Variants in CAPS2 observed in about 807,000 individuals in gnomAD.
CAPS2 encodes calcyphosine 2, also known as calcyphosin-2.
CAPS2 carries 98 observed loss-of-function variants against 86.5 expected under a neutral mutation model. The observed-to-expected ratio is 1.13, with a 90% CI of 0.96 to 1.34. CAPS2 has a LOEUF of 1.34. Ranked by LOEUF, CAPS2 falls within the 40% of genes most tolerant of loss-of-function variation. The probability of loss-of-function intolerance (pLI) is 0.00; values close to 1 mark genes in which losing one functional copy is unlikely to be tolerated. For synonymous variants in CAPS2, 210 were observed against 225.1 expected (o/e 0.93, Z 0.60); for missense variants, 729 against 686.8 (o/e 1.06, Z -0.69).
chr12:75,330,057 G>T, upstream of CAPS2: 1 of 408,086 alleles, frequency 2.5e-6, no homozygotes, highest in Non-Finnish European at 4.3e-6. Flanking sequence ...GCCCGCGTCT[G>T]CAGGTTGCCC....
At chr12:75,291,016 C>T (rs1432949367) in intron 13 of CAPS2, among the ~76,000 whole-genome samples, 1 of 152,004 alleles carries the variant, frequency 6.6e-6, no homozygotes, top group African/African-American at 2.4e-5. Context: ...TGAGATCCAA[C>T]AGAGTAACTG....
chr12:75,342,597 T>C (rs1285542900), intron 1 of CAPS2, among the ~76,000 whole-genome samples: 1 of 152,204 alleles, frequency 6.6e-6, no homozygotes, highest in Non-Finnish European at 1.5e-5. Context: ...TGTAGCTTTA[T>C]GATAAATATT....
chr12:75,319,286 G>A (rs1480648614), intron 5 of CAPS2, among the ~76,000 whole-genome samples: 4 of 152,090 alleles, frequency 2.6e-5, no homozygotes, highest in Non-Finnish European at 5.9e-5. Context: ...AGTGGTGTTT[G>A]GGTCATGGAG....
At chr12:75,319,448 T>C (rs2040095765) in intron 5 of CAPS2, among the ~76,000 whole-genome samples, 1 of 152,174 alleles carries the variant, frequency 6.6e-6, no homozygotes, top group Admixed American at 6.6e-5. Context: ...CTGCACATGC[T>C]GGCTTCCCTT....
chr12:75,304,353 T>A (rs143595205), intron 8 of CAPS2, among the ~76,000 whole-genome samples: 2 of 152,192 alleles, frequency 1.3e-5, no homozygotes, highest in East Asian at 1.9e-4. Context: ...TAAAAGATCA[T>A]ACCAATTCTA....
chr12:75,295,654 G>A (rs1432089536), intron 11 of CAPS2, among the ~76,000 whole-genome samples: 4 of 152,122 alleles, frequency 2.6e-5, no homozygotes, highest in Non-Finnish European at 5.9e-5. Flanking sequence ...CTAGGAACAT[G>A]GTAGTGGTCA....
At chr12:75,377,364 C>G (rs2044703146) in intron 1 of CAPS2, among the ~76,000 whole-genome samples, 1 of 152,152 alleles carries the variant, frequency 6.6e-6, no homozygotes, top group Non-Finnish European at 1.5e-5. Context: ...ATAATTTACT[C>G]ACACAATCAC....
At chr12:75,372,085 G>A (rs1184680845) in intron 1 of CAPS2, among the ~76,000 whole-genome samples, 1 of 152,190 alleles carries the variant, frequency 6.6e-6, no homozygotes, top group Non-Finnish European at 1.5e-5. Context: ...CACGATCTTG[G>A]CTCACTGCAA....
rs1376337821 is a variant in CAPS2, at chr12:75,304,838, T to C, written c.698A>G (p.Glu233Gly). ...AAGGATATGATCACTTTCTTTTTGC[T>C]CAATGGCTAAATTTTGCTCTGGATC... Residue 233 changes from glutamate to glycine, a missense_variant, in exon 8 of 17, where the codon GAG becomes GGG. Coordinates refer to ENST00000393284, the Ensembl canonical transcript of CAPS2. 6.2e-6 allele frequency: 10 copies of C among 1,612,250 alleles called. No individual in the cohort carries two copies. The highest frequency in any genetic ancestry group is 6.8e-6 in the Non-Finnish European group (8 of 1,179,514).
chr12:75,356,225 T>C (rs1243050004), intron 1 of CAPS2, among the ~76,000 whole-genome samples: 1 of 152,032 alleles, frequency 6.6e-6, no homozygotes, highest in Non-Finnish European at 1.5e-5. Flanking sequence ...AGCAATATCT[T>C]TAAAAACAAA....
At chr12:75,321,054 T>A (rs1022136311) in intron 5 of CAPS2, among the ~76,000 whole-genome samples, 2 of 152,032 alleles carry the variant, frequency 1.3e-5, no homozygotes, top group African/African-American at 4.8e-5. Context: ...ATTTAGACTG[T>A]CAGACCAACT....
rs763428367 is a variant in CAPS2, at chr12:75,321,483, T to C, written c.385A>G (p.Lys129Glu). ...TCTGCATTTCTCTGACTATACTGCT[T>C]ATAGCCCTCTTTAATTTCAGTTTTA... is the stretch of plus-strand genomic sequence containing the variant. Residue 129 changes from lysine (K) to glutamate (E), a missense_variant, in exon 5 of 17, where the codon AAG becomes GAG. Lys to Glu is a moderately conservative substitution (Grantham distance 56). Coordinates refer to ENST00000393284, the Ensembl canonical transcript of CAPS2. 12 of 1,546,334 alleles carry C rather than the reference T, an allele frequency of 7.8e-6. No individual in the cohort carries two copies. In the South Asian group the frequency reaches 9.5e-5, roughly 12 times the overall value.
In CAPS2 at chr12:75,312,771, A is replaced by G; in HGVS notation, c.659+77T>C. On this transcript the variant is annotated intron_variant, in intron 7 of 16. Coordinates refer to ENST00000393284, the Ensembl canonical transcript of CAPS2. ...TTAGCCACCCTTTAATTGACCAAGGATATGAATGTCATGCATGAAAATAAA... is the reference window on the plus strand; with the variant it reads ...TTAGCCACCCTTTAATTGACCAAGGGTATGAATGTCATGCATGAAAATAAA... The G allele has an allele frequency of 8.1e-6, 7 of 866,096 alleles. 1 individual carries two copies. The highest frequency in any genetic ancestry group is 6.9e-5 in the South Asian group (5 of 72,240). The allele number at this position is 866,096 out of a possible 1,614,324, so 53.7% of individuals were successfully genotyped here.
chr12:75,313,495 T>C (rs2039440758), intron 6 of CAPS2, among the ~76,000 whole-genome samples: 1 of 152,262 alleles, frequency 6.6e-6, no homozygotes, highest in Admixed American at 6.5e-5. Context: ...ACTAGCTTGA[T>C]TAAGCTTTCT....
intron 1 of CAPS2, among the ~76,000 whole-genome samples, chr12:75,349,041 G>A (rs1026793349): frequency 4.6e-5 from 7 of 151,816 alleles, no homozygotes; most frequent in African/African-American, 1.7e-4. Flanking sequence ...TAGAGTTCAC[G>A]GAAAAGAGTA....
intron 1 of CAPS2, among the ~76,000 whole-genome samples, chr12:75,385,366 T>C (rs2045235881): frequency 6.6e-6 from 1 of 152,050 alleles, no homozygotes; most frequent in South Asian, 2.1e-4. Flanking sequence ...ATTATATCCA[T>C]AGATGCAGGA....
At chr12:75,316,584 T>A (rs1593486124) in intron 5 of CAPS2, 150 bp from the exon 6 acceptor site, 1 of 760,286 alleles carries the variant, frequency 1.3e-6, no homozygotes, top group Admixed American at 3.9e-5. Context: ...TTGCTTATAT[T>A]TGAATCCAGC....
At chr12:75,361,123 A>T (rs1467382011) in intron 1 of CAPS2, 1 of 152,088 alleles carries the variant, frequency 6.6e-6, no homozygotes, top group East Asian at 1.9e-4. Flanking sequence ...ACTGGAAAGT[A>T]CCTCTTTGTG....
At chr12:75,358,815 T>TA (rs948374126) in intron 1 of CAPS2, among the ~76,000 whole-genome samples, 2 of 144,424 alleles carry the variant, frequency 1.4e-5, no homozygotes, top group African/African-American at 5.0e-5. Flanking sequence ...TATATATGTT[T>TA]AAATATATAT....
Sources: gnomAD v4.1 joint callset for allele counts (sites outside exome capture counted in the v4.1 genomes callset) on GRCh38, gnomAD v4.1.1 for gene constraint, MANE v1.5 for transcripts, NCBI Gene and HGNC (gene_info 2026-07-23, HGNC 2026-07-21) for gene names.